ADCY3: variants seen among roughly 807,000 people sequenced by gnomAD.
The protein encoded by ADCY3 is adenylate cyclase type 3.
Under a neutral mutation model 119.4 loss-of-function variants are expected in ADCY3, and 70 were observed. The ratio of observed to expected loss-of-function variants is 0.59; its 90% CI spans 0.48 to 0.72. ADCY3 has a LOEUF of 0.72. ADCY3 is among the 30% of genes least tolerant of loss of function. The pLI, the probability that ADCY3 is intolerant of heterozygous loss-of-function variation, is 0.00. For synonymous variants in ADCY3, 672 were observed against 621.4 expected, an observed-to-expected ratio of 1.08 and a Z score of -1.21; for missense variants, 1,238 against 1,541.6, an observed-to-expected ratio of 0.80 and a Z score of 3.30.
In ADCY3 at chr2:24,920,132, C is replaced by T. The variant is rs981297928; in HGVS notation, c.-647G>A. Among the ~76,000 whole-genome samples the T allele has an allele frequency of 3.4e-3, 496 of 146,322 alleles. 7 individuals are homozygous for T. Among genetic ancestry groups the T allele is most frequent in the Admixed American group, 0.027 (398 of 14,764 alleles). On this transcript the variant is annotated 5_prime_UTR_variant, in exon 1 of 22. An upstream start codon of the reference 5' UTR is lost. Coordinates refer to ENST00000679454, the MANE Select transcript of ADCY3 (RefSeq NM_004036.5). This position sits in a 1 kb window ranked among gnomAD's most constrained non-coding sequence, Gnocchi z 4.5. ...GGCCGAGCCCGGGGAAGCCCGCCAG[C>T]ATCCTCTCGCCCGCCCGCGCCGAGC...
chr2:24,826,180 G>T, intron 15 of ADCY3, 54 bp from the exon 16 acceptor site: 1 of 1,497,152 alleles, frequency 6.7e-7, no homozygotes, highest in Non-Finnish European at 9.3e-7. Context: ...TCCTGGAGGG[G>T]GCCTGATTCC....
intron 2 of ADCY3, among the ~76,000 whole-genome samples, chr2:24,882,345 T>A (rs925910605): frequency 5.9e-5 from 9 of 152,188 alleles, no homozygotes; most frequent in Admixed American, 5.2e-4. Context: ...GAGGAGTTGG[T>A]GAGCCCTTAA....
At chr2:24,821,373 C>T in intron 20 of ADCY3, 144 bp downstream of exon 20, 1 of 1,231,366 alleles carries the variant, frequency 8.1e-7, no homozygotes, top group Non-Finnish European at 1.1e-6. Context: ...AAAGGTCTTT[C>T]AGGTCTCCTT....
At chr2:24,828,189 A>C (rs1343198219) in intron 13 of ADCY3, 28 bp from the exon 14 acceptor site, 12 of 1,609,862 alleles carry the variant, frequency 7.5e-6, no homozygotes, top group Non-Finnish European at 1.0e-5. Context: ...GGGCAGGGAC[A>C]CACGTTCAAG....
intron 3 of ADCY3, among the ~76,000 whole-genome samples, chr2:24,867,250 G>A (rs1213727392): frequency 6.6e-6 from 1 of 152,228 alleles, no homozygotes; most frequent in Non-Finnish European, 1.5e-5. Flanking sequence ...GAAGCGGGAA[G>A]GATAGTGAAA....
At chr2:24,820,382 A>G (rs1171162628) in intron 21 of ADCY3, 4 of 1,313,322 alleles carry the variant, frequency 3.0e-6, no homozygotes, top group Non-Finnish European at 3.9e-6. Flanking sequence ...CAGCACTGTT[A>G]CCTGGAAACT....
chr2:24,881,825 G>A (rs556409774), intron 2 of ADCY3, among the ~76,000 whole-genome samples: 1 of 151,790 alleles, frequency 6.6e-6, no homozygotes, highest in African/African-American at 2.4e-5. Flanking sequence ...GTCTGGAGAC[G>A]TTTTGACAGT....
intron 9 of ADCY3, among the ~76,000 whole-genome samples, chr2:24,835,507 C>G (rs1572840360): frequency 1.3e-5 from 2 of 152,278 alleles, no homozygotes; most frequent in South Asian, 2.1e-4. Context: ...CTTTTATTCC[C>G]AGTTCCAAAG....
chr2:24,891,582 A>G (rs1160965454), intron 2 of ADCY3, among the ~76,000 whole-genome samples: 1 of 152,246 alleles, frequency 6.6e-6, no homozygotes, highest in African/African-American at 2.4e-5. Context: ...AAGTGAAAAG[A>G]AAAAATTTCT....
At position 24,918,867 on chromosome 2, in the gene ADCY3, G is replaced by A; in HGVS notation, c.121C>T (p.Arg41Trp). 6.2e-7 allele frequency: 1 copy of A among 1,613,134 alleles called. No individual in the cohort carries two copies. Among genetic ancestry groups the A allele is most frequent in the African/African-American group, 1.3e-5 (1 of 75,052 alleles). The change falls in exon 2 of 22, where the codon CGG (arginine) becomes TGG (tryptophan). Residue 41 changes from arginine (R) to tryptophan (W), a missense_variant. Arg to Trp is a moderately radical substitution (Grantham distance 101). Around this residue, in one of 7 missense-constraint regions of ADCY3, gnomAD observed 227 missense variants for 249.3 expected, o/e 0.91. Coordinates refer to ENST00000679454, the MANE Select transcript of ADCY3 (RefSeq NM_004036.5). The surrounding 1 kb of genome is among the most constrained non-coding windows in gnomAD (Gnocchi z 5.4). ...AGGCACAGGCAGGAGCCCGAGTTCC[G>A]GACCGAGATTTCATGGGTCCGGCCC... Reference protein sequence around the residue: ...GVGRTHEISVRNSGSCLCLPR... With the variant: ...GVGRTHEISVWNSGSCLCLPR...
intron 2 of ADCY3, among the ~76,000 whole-genome samples, chr2:24,897,238 TCTC>T (rs1678393580): frequency 6.6e-6 from 1 of 150,458 alleles, no homozygotes; most frequent in African/African-American, 2.4e-5. Context: ...TCCTTCCCCT[TCTC>T]CTTTTTCTCC....
chr2:24,819,632 C>G lies in ADCY3; in HGVS notation c.*300G>C. On this transcript the variant is annotated 3_prime_UTR_variant, in exon 22 of 22. Transcript: ENST00000679454. Reference sequence around the variant, plus strand: ...GGCAGCTTTGTCCCAGCTCTGCCACCCTCCTGCTCACAGTGGTCAGGGCCC... The same window carrying G: ...GGCAGCTTTGTCCCAGCTCTGCCACGCTCCTGCTCACAGTGGTCAGGGCCC... The G allele has an allele frequency of 3.8e-6, 1 of 264,886 alleles. No homozygotes were observed. Among genetic ancestry groups the G allele is most frequent in the Non-Finnish European group, 7.1e-6 (1 of 140,050 alleles). 16.4% of individuals were successfully genotyped at this position (264,886 alleles called of 1,614,324 possible). A position where few individuals can be genotyped will look rare whatever the true frequency, so the allele number is the denominator to read the frequency against.
intron 2 of ADCY3, among the ~76,000 whole-genome samples, chr2:24,916,294 CT>C (rs964848567): frequency 3.4e-4 from 52 of 152,342 alleles, no homozygotes; most frequent in African/African-American, 1.1e-3. Flanking sequence ...CTTCTCAGTC[CT>C]TTTCCCTGGA....
Position 24,841,524 on chromosome 2 carries a change from C to T in ADCY3, c.1068+32G>A, listed in dbSNP as rs775947616. ...AGGCAGAGGCCATGAGGGCAGGCCCCGCTGGAGAGCCAGGCGGGGCCAGGG... is the reference window on the plus strand; with the variant it reads ...AGGCAGAGGCCATGAGGGCAGGCCCTGCTGGAGAGCCAGGCGGGGCCAGGG... On this transcript the variant is annotated intron_variant, in intron 5 of 21. Coordinates refer to ENST00000679454, the MANE Select transcript of ADCY3 (RefSeq NM_004036.5). This position sits in a 1 kb window ranked among gnomAD's most constrained non-coding sequence, Gnocchi z 5.8. 51 of 1,603,730 alleles carry T rather than the reference C, an allele frequency of 3.2e-5. No homozygotes were observed. Among genetic ancestry groups the T allele is most frequent in the African/African-American group, 9.4e-5 (7 of 74,762 alleles).
intron 19 of ADCY3, 82 bp downstream of exon 19, chr2:24,822,429 A>AT: frequency 6.4e-7 from 1 of 1,570,138 alleles, no homozygotes; most frequent in Non-Finnish European, 8.7e-7. Flanking sequence ...AGCAGTTCTT[A>AT]TTTCCCCCAT....
chr2:24,820,024 G>C lies in ADCY3; in HGVS notation c.3343C>G (p.Leu1115Val). 1 of 1,611,666 alleles carries C rather than the reference G, an allele frequency of 6.2e-7. No homozygotes were observed. Among genetic ancestry groups the C allele is most frequent in the Non-Finnish European group, 8.5e-7 (1 of 1,178,902 alleles). ...PIFVKGKGEL[L>V]TFFLKGRDKL... Reference sequence around the variant, plus strand: ...TCCCGCCCCTTCAAGAAGAAGGTCAGCAGCTCCCCCTTCCCCTTCACAAAG... The same window carrying C: ...TCCCGCCCCTTCAAGAAGAAGGTCACCAGCTCCCCCTTCCCCTTCACAAAG... The change falls in exon 22 of 22, where the codon CTG (leucine) becomes GTG (valine). Residue 1115 changes from leucine to valine, a missense_variant. Transcript: ENST00000679454.
chr2:24,845,028 C>A (rs1464620064), intron 3 of ADCY3, among the ~76,000 whole-genome samples: 2 of 152,200 alleles, frequency 1.3e-5, no homozygotes, highest in African/African-American at 4.8e-5. Flanking sequence ...TCTCTTGCTG[C>A]CACCAGGTAA....
intron 2 of ADCY3, among the ~76,000 whole-genome samples, chr2:24,885,184 G>C (rs532805240): frequency 6.6e-6 from 1 of 152,288 alleles, no homozygotes; most frequent in Admixed American, 6.5e-5. Context: ...ACCACCTGCA[G>C]GTGCTCACTT....
chr2:24,848,959 C>T (rs188758765), intron 3 of ADCY3, among the ~76,000 whole-genome samples: 22 of 152,126 alleles, frequency 1.4e-4, no homozygotes, highest in African/African-American at 2.7e-4. Flanking sequence ...GAGTCTCAGC[C>T]CCCCCCGCCA....
Sources: gnomAD v4.1 joint callset for allele counts (sites outside exome capture counted in the v4.1 genomes callset) on GRCh38, gnomAD v4.1.1 for gene constraint, gnomAD v4.1.1 regional missense constraint, Gnocchi (gnomAD v3.1) non-coding constraint, MANE v1.5 for transcripts, NCBI Gene and HGNC (gene_info 2026-07-23, HGNC 2026-07-21) for gene names.